The following SERINC2 variants were observed in gnomAD, a reference collection of about 807,000 sequenced individuals.
SERINC2 encodes the protein tumor differentially expressed protein 2.
A neutral mutation model predicts 54.2 loss-of-function variants in SERINC2; 56 were observed. That is an observed-to-expected ratio of 1.03 (90% CI 0.83 to 1.29). The LOEUF is 1.29. SERINC2 is among the 50% of genes most tolerant of loss of function. The pLI is 0.00. For synonymous variants in SERINC2, 272 were observed against 253.1 expected (o/e 1.07, Z -0.71); for missense variants, 614 against 607.4 (o/e 1.01, Z -0.12).
chr1:31,433,705 C>T (rs186410858), intron 9 of SERINC2, among the ~76,000 whole-genome samples: 37 of 152,114 alleles, frequency 2.4e-4, no homozygotes, highest in South Asian at 1.9e-3. Context: ...TCAGGGGCCA[C>T]CCCTAAGTTA....
intron 1 of SERINC2, among the ~76,000 whole-genome samples, chr1:31,417,001 T>C (rs981122178): frequency 2.6e-5 from 4 of 152,232 alleles, no homozygotes; most frequent in Admixed American, 2.6e-4. Context: ...ATTACAGGCA[T>C]GAGCCACCAC....
intron 4 of SERINC2, 92 bp downstream of exon 4, chr1:31,425,501 G>A: frequency 9.8e-7 from 1 of 1,018,504 alleles, no homozygotes; most frequent in South Asian, 1.3e-5. Context: ...CTTTGCTGGG[G>A]CACACAGACC....
Position 31,432,174 on chromosome 1 carries a change from T to TGGATAGGGTGGAC in SERINC2, c.1014-793_1014-792insGGATAGGGTGGAC, listed in dbSNP as rs1641306916. On this transcript the variant is annotated intron_variant, in intron 8 of 9. Coordinates refer to ENST00000373709, the MANE Select transcript of SERINC2 (RefSeq NM_178865.5). Reference sequence around the variant, plus strand: ...GGGTGGACAGGGTGGATAGGGTGGATAGGGTGGATAGGGTGGTTAGAGTGG... The same window carrying TGGATAGGGTGGAC: ...GGGTGGACAGGGTGGATAGGGTGGATGGATAGGGTGGACAGGGTGGATAGGGTGGTTAGAGTGG... 8.2e-5 allele frequency among the ~76,000 whole-genome samples: 2 copies of TGGATAGGGTGGAC among 24,318 alleles called. 1 individual carries two copies. The highest frequency in any genetic ancestry group is 3.0e-3 in the South Asian group (2 of 658). 16.0% of individuals were successfully genotyped at this position (24,318 alleles called of 152,430 possible). A position where few individuals can be genotyped will look rare whatever the true frequency, so the allele number is the denominator to read the frequency against.
Position 31,433,228 on chromosome 1 carries a change from G to A in SERINC2, c.1232+43G>A, listed in dbSNP as rs781867758. 9.2e-6 allele frequency: 14 copies of A among 1,529,514 alleles called. No individual in the cohort carries two copies. The Admixed American group carries it at 1.5e-4, about 16-fold the overall frequency. The allele number at this position is 1,529,514 out of a possible 1,614,324, so 94.7% of individuals were successfully genotyped here. On this transcript the variant is annotated intron_variant, in intron 9 of 9. Coordinates refer to ENST00000373709, the MANE Select transcript of SERINC2 (RefSeq NM_178865.5). ...CATGGACAGAGCCCGGAGGTGCAGG[G>A]TGCAGGTCCACACATCTCTCCTGCG...
Position 31,425,834 on chromosome 1 carries a change from G to T in SERINC2, c.531G>T (p.Leu177=). The change falls in exon 5 of 10, where the codon CTG becomes CTT. Residue 177 remains leucine (L), a synonymous_variant. Transcript: ENST00000373709. ...TCTTCATCCTCATCCAGCTGGTGCT[G>T]CTCATCGACTTTGCGCACTCCTGGA... is the stretch of plus-strand genomic sequence containing the variant. ...SFLFILIQLV[L]LIDFAHSWNQ... The T allele has an allele frequency of 6.2e-7, 1 of 1,613,716 alleles. No individual in the cohort carries two copies. Among genetic ancestry groups the T allele is most frequent in the Non-Finnish European group, 8.5e-7 (1 of 1,179,942 alleles).
At chr1:31,422,839 G>T (rs1478035610) in intron 1 of SERINC2, among the ~76,000 whole-genome samples, 1 of 152,168 alleles carries the variant, frequency 6.6e-6, no homozygotes, top group African/African-American at 2.4e-5. Flanking sequence ...GCCCCTGAAT[G>T]ATTTCAGCCA....
chr1:31,434,235 C>T lies in SERINC2; in HGVS notation c.*36C>T, dbSNP rs782703401. The T allele has an allele frequency of 1.2e-6, 2 of 1,601,406 alleles. No homozygotes were observed. The highest frequency in any genetic ancestry group is 1.7e-4 in the Middle Eastern group (1 of 6,004). On this transcript the variant is annotated 3_prime_UTR_variant, in exon 10 of 10. Coordinates refer to ENST00000373709, the MANE Select transcript of SERINC2 (RefSeq NM_178865.5). ...CAGCCTGCCATCTGGTGCCTCCTGC[C>T]ACCTGGTGCCTCTCGGCTCAGTGAC...
chr1:31,418,232 C>T (rs1463779989), intron 1 of SERINC2, among the ~76,000 whole-genome samples: 9 of 152,188 alleles, frequency 5.9e-5, no homozygotes, highest in Admixed American at 5.2e-4. Flanking sequence ...ATCCATTCAT[C>T]TCGTCCACCA....
At chr1:31,413,073 G>A (rs2148509131), upstream of SERINC2, 1 of 912,018 alleles carries the variant, frequency 1.1e-6, no homozygotes, top group Non-Finnish European at 1.3e-6. This position sits in a 1 kb window ranked among gnomAD's most constrained non-coding sequence, Gnocchi z 5.0. Context: ...CTTCCCTAGG[G>A]TCCCTCCTGG....
At chr1:31,409,865 G>A (rs1553131253), upstream of SERINC2, 1 of 1,553,830 alleles carries the variant, frequency 6.4e-7, no homozygotes, top group Admixed American at 2.0e-5. Flanking sequence ...AAGAGGGGAT[G>A]GGGAGAGAAT....
chr1:31,418,419 C>T (rs1640831229), intron 1 of SERINC2, among the ~76,000 whole-genome samples: 1 of 152,034 alleles, frequency 6.6e-6, no homozygotes, highest in Admixed American at 6.6e-5. Flanking sequence ...CTCTGTCACC[C>T]AGGCTGGAGT....
upstream of SERINC2, among the ~76,000 whole-genome samples, chr1:31,410,791 C>T (rs1553131371): frequency 1.3e-5 from 2 of 152,126 alleles, no homozygotes; most frequent in African/African-American, 4.8e-5. Context: ...AGGGGTTGAT[C>T]CTCTTGGTCT....
intron 1 of SERINC2, among the ~76,000 whole-genome samples, chr1:31,422,956 A>G (rs530760902): frequency 6.6e-6 from 1 of 152,338 alleles, no homozygotes; most frequent in South Asian, 2.1e-4. Flanking sequence ...GCCGAAAATC[A>G]TTCCGTTTAT....
chr1:31,413,201 C>A, upstream of SERINC2: 1 of 1,057,940 alleles, frequency 9.5e-7, no homozygotes, highest in Non-Finnish European at 1.1e-6. The surrounding 1 kb of genome is among the most constrained non-coding windows in gnomAD (Gnocchi z 5.0). Flanking sequence ...CCAGGCCCGG[C>A]ACCCGGATCC....
chr1:31,415,811 G>T, intron 1 of SERINC2: 1 of 967,370 alleles, frequency 1.0e-6, no homozygotes, highest in Non-Finnish European at 1.2e-6. Flanking sequence ...GCATGCATGG[G>T]TCAGTGGGGA....
chr1:31,432,084 TAGGGTGGAC>T (rs1297998581), intron 8 of SERINC2, among the ~76,000 whole-genome samples: 6 of 13,444 alleles, frequency 4.5e-4, no homozygotes, highest in Non-Finnish European at 7.5e-4. Flanking sequence ...ACAGGGTGGT[TAGGGTGGAC>T]AGGGTGGACA....
Position 31,432,073 on chromosome 1 carries a change from GAC to G in SERINC2, c.1014-892_1014-891del, listed in dbSNP as rs1557500971. Among the ~76,000 whole-genome samples, 112 of 133,524 alleles carry G rather than the reference GAC, an allele frequency of 8.4e-4. 1 individual carries two copies. The highest frequency in any genetic ancestry group is 1.4e-3 in the East Asian group (6 of 4,172). The allele number at this position is 133,524 out of a possible 152,430, so 87.6% of individuals were successfully genotyped here. A position where few individuals can be genotyped will look rare whatever the true frequency, so the allele number is the denominator to read the frequency against. On this transcript the variant is annotated intron_variant, in intron 8 of 9. Transcript: ENST00000373709. ...CAGGGTGGACAGGGTGGACAGGGTG[GAC>G]AGGGTGGTTAGGGTGGACAGGGTGG... is the stretch of plus-strand genomic sequence containing the variant.
At chr1:31,414,234 G>A in intron 1 of SERINC2, 1 of 1,347,770 alleles carries the variant, frequency 7.4e-7, no homozygotes. Context: ...GCAAGACCCC[G>A]GCTGGGAGGC....
intron 2 of SERINC2, among the ~76,000 whole-genome samples, 197 bp downstream of exon 2, chr1:31,424,051 T>G (rs377651756): frequency 6.6e-6 from 1 of 152,006 alleles, no homozygotes; most frequent in Non-Finnish European, 1.5e-5. Flanking sequence ...TAGGCCACAG[T>G]CTCCTTGGAA....
Sources: gnomAD v4.1 joint callset for allele counts (sites outside exome capture counted in the v4.1 genomes callset) on GRCh38, gnomAD v4.1.1 for gene constraint, Gnocchi (gnomAD v3.1) non-coding constraint, MANE v1.5 for transcripts, NCBI Gene and HGNC (gene_info 2026-07-23, HGNC 2026-07-21) for gene names.